The following FARS2 variants were observed in gnomAD, a reference collection of about 807,000 sequenced individuals.
FARS2 encodes the protein phenylalanine--tRNA ligase, mitochondrial.
FARS2 carries 40 observed loss-of-function variants against 46.4 expected under a neutral mutation model. That is an observed-to-expected ratio of 0.86 (90% CI 0.67 to 1.12). FARS2 has a LOEUF of 1.12. Among genes scored for constraint, FARS2 ranks in the 50% most tolerant of loss-of-function variants. FARS2 has a pLI of 0.00. For synonymous variants in FARS2, 234 were observed against 214.9 expected (o/e 1.09, Z -0.78); for missense variants, 513 against 567.9 (o/e 0.90, Z 0.98).
intron 1 of FARS2, among the ~76,000 whole-genome samples, chr6:5,262,987 T>G (rs1765297335): frequency 6.6e-6 from 1 of 152,212 alleles, no homozygotes; most frequent in African/African-American, 2.4e-5. Context: ...GATACACTAT[T>G]GTGTGCCAGT....
At chr6:5,639,290 G>T (rs780935880) in intron 6 of FARS2, among the ~76,000 whole-genome samples, 1 of 152,194 alleles carries the variant, frequency 6.6e-6, no homozygotes, top group African/African-American at 2.4e-5. Flanking sequence ...CATATTCCCA[G>T]TGCCAGGGCC....
At position 5,630,985 on chromosome 6, in the gene FARS2, C is replaced by T. The variant is rs1776266563; in HGVS notation, c.1217+17665C>T. Among the ~76,000 whole-genome samples, 3 of 152,180 alleles carry T rather than the reference C, an allele frequency of 2.0e-5. No homozygotes were observed. The highest frequency in any genetic ancestry group is 4.8e-5 in the African/African-American group (2 of 41,436). On this transcript the variant is annotated intron_variant, in intron 6 of 6. Transcript: ENST00000274680. The surrounding 1 kb of genome is among the most constrained non-coding windows in gnomAD (Gnocchi z 4.2). Reference sequence around the variant, plus strand: ...TTGTATGGCAGGGGAATCTGTTCACCTGCTACCTAGAATTGCCTCCTCCAA... The same window carrying T: ...TTGTATGGCAGGGGAATCTGTTCACTTGCTACCTAGAATTGCCTCCTCCAA...
intron 1 of FARS2, among the ~76,000 whole-genome samples, chr6:5,263,476 C>T (rs892443270): frequency 6.6e-6 from 1 of 152,122 alleles, no homozygotes; most frequent in Non-Finnish European, 1.5e-5. Context: ...AATAATCATT[C>T]CGTAGCTACA....
At position 5,640,312 on chromosome 6, in the gene FARS2, T is replaced by C. The variant is rs114047583; in HGVS notation, c.1217+26992T>C. ...GCTCAGAGCGTCTGACTTACGGGTT[T>C]AAGGTCTCACGGCCATTAAGCAGTC... On this transcript the variant is annotated intron_variant, in intron 6 of 6. Coordinates refer to ENST00000274680, the MANE Select transcript of FARS2 (RefSeq NM_006567.5). Among the ~76,000 whole-genome samples the C allele has an allele frequency of 4.2e-3, 644 of 152,314 alleles. 9 individuals are homozygous for C. The highest frequency in any genetic ancestry group is 3.0e-3 in the Non-Finnish European group (207 of 68,034).
chr6:5,634,590 A>G (rs1007312274), intron 6 of FARS2, among the ~76,000 whole-genome samples: 3 of 152,354 alleles, frequency 2.0e-5, no homozygotes, highest in African/African-American at 7.2e-5. Context: ...TCCCAAAGGC[A>G]TGAGCCACAA....
intron 1 of FARS2, among the ~76,000 whole-genome samples, chr6:5,265,597 A>T (rs1021717678): frequency 5.3e-5 from 8 of 152,208 alleles, no homozygotes; most frequent in Non-Finnish European, 1.0e-4. Flanking sequence ...TGCATTCAAG[A>T]GATAGCTGGC....
intron 4 of FARS2, among the ~76,000 whole-genome samples, chr6:5,525,483 T>TCC (rs1769406511): frequency 6.6e-6 from 1 of 152,172 alleles, no homozygotes; most frequent in African/African-American, 2.4e-5. Context: ...CCTGGAGAAT[T>TCC]CCAGCGTGGC....
intron 4 of FARS2, among the ~76,000 whole-genome samples, chr6:5,456,730 CAAA>C (rs11393453): frequency 1.0e-4 from 7 of 69,890 alleles, no homozygotes; most frequent in African/African-American, 3.3e-4. Flanking sequence ...GACTCCATCT[CAAA>C]AAAAAAAAAA....
chr6:5,461,065 G>A (rs1241610856), intron 4 of FARS2, among the ~76,000 whole-genome samples: 1 of 151,386 alleles, frequency 6.6e-6, no homozygotes, highest in African/African-American at 2.4e-5. Context: ...TTGAGTCACG[G>A]TATCACTCTG....
In FARS2 at chr6:5,744,386, T is replaced by C. The variant is rs1761524643; in HGVS notation, c.1218-26905T>C. Among the ~76,000 whole-genome samples the C allele has an allele frequency of 2.0e-5, 3 of 152,264 alleles. 1 individual carries two copies. The South Asian group carries it at 6.2e-4, about 32-fold the overall frequency. On this transcript the variant is annotated intron_variant, in intron 6 of 6. Coordinates refer to ENST00000274680, the MANE Select transcript of FARS2 (RefSeq NM_006567.5). ...ACCCACGACCAACAGTATGTTCGCATTGGTAACAATCAGTGTTAGTAAATT... is the reference window on the plus strand; with the variant it reads ...ACCCACGACCAACAGTATGTTCGCACTGGTAACAATCAGTGTTAGTAAATT...
At chr6:5,575,467 C>G (rs1772907801) in intron 5 of FARS2, among the ~76,000 whole-genome samples, 9 of 152,194 alleles carry the variant, frequency 5.9e-5, no homozygotes, top group Admixed American at 5.9e-4. Flanking sequence ...GAGACACATA[C>G]CCTCTTCTCC....
chr6:5,717,923 T>TAGAGAGAGAGAGAGAGAGAGAGAGAG (rs1240643852), intron 6 of FARS2, among the ~76,000 whole-genome samples: 23 of 31,212 alleles, frequency 7.4e-4, no homozygotes, highest in African/African-American at 6.0e-3. Context: ...TATATATATA[T>TAGAGAGAGAGAGAGAGAGAGAGAGAG]ATATATATAT....
chr6:5,600,438 T>C (rs1167890501), intron 5 of FARS2, among the ~76,000 whole-genome samples: 1 of 152,028 alleles, frequency 6.6e-6, no homozygotes, highest in Non-Finnish European at 1.5e-5. Context: ...AAACAAAAAT[T>C]GGAACAAAGT....
At position 5,728,242 on chromosome 6, in the gene FARS2, TG is replaced by T. The variant is rs1216947855; in HGVS notation, c.1218-43048del. Among the ~76,000 whole-genome samples, 26 of 152,300 alleles carry T rather than the reference TG, an allele frequency of 1.7e-4. 1 individual carries two copies. In the East Asian group the frequency reaches 4.6e-3, roughly 27 times the overall value. On this transcript the variant is annotated intron_variant, in intron 6 of 6. Coordinates refer to ENST00000274680, the MANE Select transcript of FARS2 (RefSeq NM_006567.5). ...GCAATTCCACCCAATAATTTGGGTT[TG>T]TTTCAAAATAGCCTAATAGCTGGGA...
intron 6 of FARS2, among the ~76,000 whole-genome samples, chr6:5,651,865 G>T (rs184337527): frequency 6.5e-4 from 99 of 152,214 alleles, no homozygotes; most frequent in African/African-American, 2.4e-3. Context: ...ACTGAGATTT[G>T]AACCCAGGCT....
intron 5 of FARS2, chr6:5,610,011 G>T: frequency 9.8e-7 from 1 of 1,017,042 alleles, no homozygotes; most frequent in Non-Finnish European, 1.5e-6. Context: ...CCTCCGCAGT[G>T]GCATAGTGAC....
intron 6 of FARS2, among the ~76,000 whole-genome samples, chr6:5,714,650 G>A (rs1317931347): frequency 6.6e-6 from 1 of 152,128 alleles, no homozygotes; most frequent in African/African-American, 2.4e-5. Flanking sequence ...GTTTCCTAAT[G>A]ACCGTGGTTT....
At chr6:5,664,604 C>T (rs1195830521) in intron 6 of FARS2, among the ~76,000 whole-genome samples, 2 of 152,200 alleles carry the variant, frequency 1.3e-5, no homozygotes, top group Non-Finnish European at 2.9e-5. Flanking sequence ...ATCCTATAAT[C>T]TATGACTATA....
intron 1 of FARS2, among the ~76,000 whole-genome samples, chr6:5,271,253 G>A (rs1038616389): frequency 2.0e-5 from 3 of 152,236 alleles, no homozygotes; most frequent in Non-Finnish European, 2.9e-5. Flanking sequence ...GTTTGGGGGC[G>A]CTTGTTTCCA....
Sources: allele counts gnomAD v4.1 joint callset (sites outside exome capture counted in the v4.1 genomes callset), GRCh38; gene constraint gnomAD v4.1.1; non-coding constraint Gnocchi (gnomAD v3.1); transcripts MANE v1.5; gene names NCBI Gene and HGNC (gene_info 2026-07-23, HGNC 2026-07-21).